The following TMPRSS15 variants were observed in gnomAD, a reference collection of about 807,000 sequenced individuals.
The protein encoded by TMPRSS15 is transmembrane serine protease 15.
A neutral mutation model predicts 125.3 loss-of-function variants in TMPRSS15; 128 were observed. That is an observed-to-expected ratio of 1.02 (90% confidence interval 0.89 to 1.18). The LOEUF (loss-of-function observed/expected upper bound fraction) is 1.18. TMPRSS15 is among the 50% of genes most tolerant of loss of function. The pLI is 0.00. For synonymous variants in TMPRSS15, 446 were observed against 423.2 expected, an observed-to-expected ratio of 1.05 and a Z score of -0.66; for missense variants, 1,283 against 1,212.7, an observed-to-expected ratio of 1.06 and a Z score of -0.86.
At chr21:18,341,690 T>C in intron 12 of TMPRSS15, 142 bp from the exon 13 acceptor site, 1 of 932,312 alleles carries the variant, frequency 1.1e-6, no homozygotes, top group Non-Finnish European at 1.7e-6. Context: ...CGTTACTACA[T>C]AGTGAAATCT....
At chr21:18,379,383 T>C (rs987179668) in intron 4 of TMPRSS15, 65 bp from the exon 5 acceptor site, 27 of 723,616 alleles carry the variant, frequency 3.7e-5, no homozygotes, top group Non-Finnish European at 5.3e-5. Context: ...GAATTTATTG[T>C]ATATTCATTC....
intron 10 of TMPRSS15, among the ~76,000 whole-genome samples, chr21:18,349,177 C>T (rs549266903): frequency 2.0e-5 from 3 of 152,192 alleles, no homozygotes; most frequent in Admixed American, 6.5e-5. Context: ...TAGTCCTCTG[C>T]GATCCCTATA....
At chr21:18,371,246 C>A (rs895732237) in intron 6 of TMPRSS15, among the ~76,000 whole-genome samples, 1 of 152,094 alleles carries the variant, frequency 6.6e-6, no homozygotes, top group African/African-American at 2.4e-5. Context: ...GAATGATGTG[C>A]AATTTTATAC....
At chr21:18,280,596 C>CAAAAAAAAAAAA (rs1246672347) in intron 22 of TMPRSS15, among the ~76,000 whole-genome samples, 1 of 102,144 alleles carries the variant, frequency 9.8e-6, no homozygotes, top group African/African-American at 4.5e-5. Flanking sequence ...AAAAAAAAAA[C>CAAAAAAAAAAAA]AACAAAACAA....
chr21:18,287,864 A>C (rs1387297690), intron 21 of TMPRSS15, among the ~76,000 whole-genome samples: 1 of 152,178 alleles, frequency 6.6e-6, no homozygotes, highest in Admixed American at 6.5e-5. Context: ...AGGATCCAAG[A>C]CCTAAGCTCT....
intron 1 of TMPRSS15, among the ~76,000 whole-genome samples, chr21:18,473,297 A>C (rs1284018836): frequency 1.3e-5 from 2 of 152,096 alleles, no homozygotes; most frequent in African/African-American, 4.8e-5. Flanking sequence ...GTAGAATGTT[A>C]TTTTATAAAA....
chr21:18,442,662 C>T (rs944468065), intron 1 of TMPRSS15, among the ~76,000 whole-genome samples: 4 of 152,144 alleles, frequency 2.6e-5, no homozygotes, highest in Non-Finnish European at 4.4e-5. Flanking sequence ...CTGGCTCTCT[C>T]AAGGACATCC....
intron 21 of TMPRSS15, among the ~76,000 whole-genome samples, chr21:18,287,680 C>A (rs745842282): frequency 5.3e-5 from 8 of 152,052 alleles, no homozygotes; most frequent in Non-Finnish European, 8.8e-5. Context: ...AAATGGATTG[C>A]ACGATATAGG....
At chr21:18,279,146 A>C in intron 22 of TMPRSS15, 87 bp from the exon 23 acceptor site, 1 of 745,360 alleles carries the variant, frequency 1.3e-6, no homozygotes, top group Non-Finnish European at 2.3e-6. Flanking sequence ...TTTAAAAATC[A>C]ATAACAGTTA....
At chr21:18,426,477 C>T (rs9980473) in intron 1 of TMPRSS15, among the ~76,000 whole-genome samples, 7,472 of 152,200 alleles carry the variant, frequency 0.049, 316 homozygotes, top group African/African-American at 0.11. Flanking sequence ...ATTAAAACTT[C>T]ATGATATGTC....
intron 10 of TMPRSS15, among the ~76,000 whole-genome samples, chr21:18,349,567 C>G (rs1221696103): frequency 6.6e-6 from 1 of 152,190 alleles, no homozygotes; most frequent in Non-Finnish European, 1.5e-5. Context: ...ATTTAATTCT[C>G]TTTCATTTCA....
At chr21:18,406,336 G>A (rs1230490777), upstream of TMPRSS15, among the ~76,000 whole-genome samples, 1 of 152,166 alleles carries the variant, frequency 6.6e-6, no homozygotes, top group Non-Finnish European at 1.5e-5. Flanking sequence ...CTGGCACTTC[G>A]AGTTACTCTG....
intron 21 of TMPRSS15, among the ~76,000 whole-genome samples, chr21:18,281,898 C>T (rs942605239): frequency 2.6e-4 from 39 of 151,844 alleles, no homozygotes; most frequent in African/African-American, 9.2e-4. Context: ...GGGATCGAGA[C>T]CATCTTGGTT....
chr21:18,353,076 A>G (rs1441910603), intron 9 of TMPRSS15, 24 bp from the exon 10 acceptor site: 1 of 1,603,230 alleles, frequency 6.2e-7, no homozygotes, highest in East Asian at 2.2e-5. Context: ...AAAAGAAGGA[A>G]TAAAAAAAAT....
chr21:18,355,131 G>T (rs532909863), intron 8 of TMPRSS15, among the ~76,000 whole-genome samples: 1 of 151,968 alleles, frequency 6.6e-6, no homozygotes, highest in East Asian at 1.9e-4. Flanking sequence ...GCATACCTGT[G>T]TAATTTTAAT....
chr21:18,326,455 G>A lies in TMPRSS15; in HGVS notation c.1898C>T (p.Thr633Ile). Residue 633 changes from threonine (T) to isoleucine (I), a missense_variant, in exon 16 of 25, where the codon ACT (threonine) becomes ATT (isoleucine). Coordinates refer to ENST00000284885, the MANE Select transcript of TMPRSS15 (RefSeq NM_002772.3). ...ACCTGGAATCCCCAAGTGATAGCCA[G>A]TAGTAAAGTTTGCTTTAAACCCTCC... ...ARGGFKANFT[T>I]GYHLGIPEPC... is the part of the protein sequence containing the mutation. 6.2e-7 allele frequency: 1 copy of A among 1,614,156 alleles called. No individual in the cohort carries two copies. The highest frequency in any genetic ancestry group is 8.5e-7 in the Non-Finnish European group (1 of 1,179,980).
intron 10 of TMPRSS15, among the ~76,000 whole-genome samples, chr21:18,352,671 C>T (rs2075582245): frequency 6.6e-6 from 1 of 151,888 alleles, no homozygotes; most frequent in South Asian, 2.1e-4. Flanking sequence ...CCTCTGTGTA[C>T]TTTTCAACAT....
At position 18,353,050 on chromosome 21, in the gene TMPRSS15, A is replaced by T; in HGVS notation, c.1024T>A (p.Tyr342Asn). The T allele has an allele frequency of 5.0e-6, 8 of 1,609,012 alleles. No individual in the cohort carries two copies. The highest frequency in any genetic ancestry group is 6.8e-6 in the Non-Finnish European group (8 of 1,178,006). The change falls in exon 10 of 25, where the codon TAT becomes AAT. Residue 342 changes from tyrosine (Y) to asparagine (N), a missense_variant and splice_region_variant. By Grantham distance (143) the Tyr-to-Asn change is moderately radical. Coordinates refer to ENST00000284885, the MANE Select transcript of TMPRSS15 (RefSeq NM_002772.3). Reference sequence around the variant, plus strand: ...TCAAAGTTACAATTAATTTTCTCATAATCTGTGAATGAAAAAAAAGAAGGA... The same window carrying T: ...TCAAAGTTACAATTAATTTTCTCATTATCTGTGAATGAAAAAAAAGAAGGA... ...TAFNSSELNN[Y>N]EKINCNFEDG...
intron 13 of TMPRSS15, among the ~76,000 whole-genome samples, chr21:18,335,833 T>C (rs2075386140): frequency 6.6e-6 from 1 of 152,104 alleles, no homozygotes; most frequent in Non-Finnish European, 1.5e-5. Context: ...TAATTCCAAA[T>C]ATCACAGTCA....
Sources: gnomAD v4.1 joint callset for allele counts (sites outside exome capture counted in the v4.1 genomes callset) on GRCh38, gnomAD v4.1.1 for gene constraint, MANE v1.5 for transcripts, NCBI Gene and HGNC (gene_info 2026-07-23, HGNC 2026-07-21) for gene names.